Variants in IL1RAPL1 observed in about 807,000 individuals in gnomAD.
IL1RAPL1 encodes interleukin 1 receptor accessory protein like 1.
A neutral mutation model predicts 48.4 loss-of-function variants in IL1RAPL1; 3 were observed. That is an observed-to-expected ratio of 0.06 (90% CI 0.03 to 0.16). The LOEUF is 0.16. Ranked by LOEUF, IL1RAPL1 falls within the 10% of genes least tolerant of loss-of-function variation. The probability of loss-of-function intolerance (pLI) is 1.00; values close to 1 mark genes in which losing one functional copy is unlikely to be tolerated. For synonymous variants in IL1RAPL1, 185 were observed against 187.7 expected (o/e 0.99, Z 0.12); for missense variants, 349 against 530.6 (o/e 0.66, Z 3.36).
At chrX:29,492,853 A>G (rs768023695) in intron 5 of IL1RAPL1, among the ~76,000 whole-genome samples, 3 of 111,813 alleles carry the variant, frequency 2.7e-5, no homozygotes, top group Admixed American at 9.5e-5. Context: ...TAGCATGTCT[A>G]GTGCAGTTGT....
intron 2 of IL1RAPL1, among the ~76,000 whole-genome samples, chrX:28,974,635 C>A (rs1017270526): frequency 9.0e-6 from 1 of 111,683 alleles, no homozygotes; most frequent in Non-Finnish European, 1.9e-5. Context: ...ATCCTTAGAG[C>A]AATCCCTGTG....
At chrX:28,836,991 AAG>A (rs1210234540) in intron 2 of IL1RAPL1, among the ~76,000 whole-genome samples, 1 of 110,576 alleles carries the variant, frequency 9.0e-6, no homozygotes, top group African/African-American at 3.3e-5. Flanking sequence ...GAGACCAAGA[AAG>A]AGGGAGCCGA....
At chrX:28,733,582 T>C (rs886101219) in intron 1 of IL1RAPL1, among the ~76,000 whole-genome samples, 2 of 111,688 alleles carry the variant, frequency 1.8e-5, no homozygotes, top group African/African-American at 6.5e-5. Flanking sequence ...CTGTCTTCAC[T>C]TGTCTTTCAG....
chrX:28,762,540 G>A (rs1181895821), intron 1 of IL1RAPL1, among the ~76,000 whole-genome samples: 1 of 110,771 alleles, frequency 9.0e-6, no homozygotes, highest in Non-Finnish European at 1.9e-5. Flanking sequence ...GTCTCTTTCA[G>A]ACATATCCAC....
At chrX:29,023,896 C>T (rs761857255) in intron 2 of IL1RAPL1, among the ~76,000 whole-genome samples, 175 of 111,504 alleles carry the variant, frequency 1.6e-3, no homozygotes, top group Non-Finnish European at 2.4e-3. Flanking sequence ...GGCAATATAC[C>T]TTGTTTATCT....
intron 6 of IL1RAPL1, among the ~76,000 whole-genome samples, chrX:29,758,332 A>G (rs946205752): frequency 6.3e-5 from 7 of 111,660 alleles, no homozygotes; most frequent in Non-Finnish European, 9.4e-5. Flanking sequence ...AGACGGGGAA[A>G]GAAAATAGAA....
At chrX:29,503,105 A>C (rs1284206144) in intron 5 of IL1RAPL1, among the ~76,000 whole-genome samples, 1 of 111,468 alleles carries the variant, frequency 9.0e-6, no homozygotes, top group Non-Finnish European at 1.9e-5. Context: ...ATAGTCTCTA[A>C]TGATTCTTTG....
intron 2 of IL1RAPL1, among the ~76,000 whole-genome samples, chrX:28,875,804 C>G (rs752387373): frequency 4.5e-5 from 5 of 111,866 alleles, no homozygotes; most frequent in Non-Finnish European, 9.4e-5. Context: ...GCCTTGTAAC[C>G]TTACATGTTG....
intron 6 of IL1RAPL1, among the ~76,000 whole-genome samples, chrX:29,797,234 G>GT (rs1929762911): frequency 8.9e-6 from 1 of 112,302 alleles, no homozygotes; most frequent in Non-Finnish European, 1.9e-5. Context: ...CTTGGCACAT[G>GT]GCAGGAGCCC....
chrX:29,720,424 T>TA (rs200276347), intron 6 of IL1RAPL1, among the ~76,000 whole-genome samples: 6,635 of 110,804 alleles, frequency 0.06, 337 homozygotes, highest in East Asian at 0.28. Flanking sequence ...TATGCAGCCA[T>TA]AAAAAAGGAT....
intron 1 of IL1RAPL1, among the ~76,000 whole-genome samples, chrX:28,779,487 TCTGA>T (rs1936393516): frequency 9.3e-6 from 1 of 107,670 alleles, no homozygotes; most frequent in Admixed American, 1.0e-4. Flanking sequence ...GATACTAAGC[TCTGA>T]CTAGAATACG....
At chrX:28,596,593 C>A (rs1486973221) in intron 1 of IL1RAPL1, among the ~76,000 whole-genome samples, 3 of 110,875 alleles carry the variant, frequency 2.7e-5, no homozygotes, top group Non-Finnish European at 3.8e-5. Flanking sequence ...GTTCCAGGAC[C>A]CCTTGTGGAC....
intron 2 of IL1RAPL1, among the ~76,000 whole-genome samples, chrX:28,792,649 G>A (rs779369563): frequency 9.8e-6 from 1 of 101,803 alleles, no homozygotes; most frequent in Non-Finnish European, 2.0e-5. Context: ...TTAGCCGGGC[G>A]TGGTGGCGGG....
At chrX:29,121,600 C>G (rs1012488424) in intron 2 of IL1RAPL1, among the ~76,000 whole-genome samples, 1 of 111,689 alleles carries the variant, frequency 9.0e-6, no homozygotes, top group African/African-American at 3.3e-5. Context: ...ACAGCAGCAG[C>G]AACAATAACA....
chrX:29,128,483 C>CT (rs1354776751), intron 2 of IL1RAPL1, among the ~76,000 whole-genome samples: 1 of 111,749 alleles, frequency 8.9e-6, no homozygotes, highest in Non-Finnish European at 1.9e-5. Context: ...CAAGCACCTT[C>CT]TGTCTCTTTG....
rs141313644 is a variant in IL1RAPL1 at position 29,816,135 on chromosome X, A to T, written c.779-101329A>T. Among the ~76,000 whole-genome samples, 487 of 111,502 alleles carry T rather than the reference A, an allele frequency of 4.4e-3. 2 individuals are homozygous for T. The highest frequency in any genetic ancestry group is 0.015 in the African/African-American group (460 of 30,770). The stretch of plus-strand genomic sequence containing the variant: ...ATACAAAAGATCAACAAAATGAAAG[A>T]TGATTGTCTGAACGGATAAACAAGA... On this transcript the variant is annotated intron_variant, in intron 6 of 10. Transcript: ENST00000378993.
intron 6 of IL1RAPL1, among the ~76,000 whole-genome samples, chrX:29,846,973 A>G (rs969701946): frequency 9.0e-6 from 1 of 110,839 alleles, no homozygotes; most frequent in Admixed American, 9.7e-5. Flanking sequence ...CTCACATGCA[A>G]ATTAAAATGT....
At chrX:29,140,826 A>G (rs1218655503) in intron 2 of IL1RAPL1, among the ~76,000 whole-genome samples, 1 of 111,075 alleles carries the variant, frequency 9.0e-6, no homozygotes. Flanking sequence ...TTATAAGGGC[A>G]CTAATTCCAT....
At chrX:28,924,667 G>T (rs1923695548) in intron 2 of IL1RAPL1, among the ~76,000 whole-genome samples, 1 of 111,746 alleles carries the variant, frequency 8.9e-6, no homozygotes, top group South Asian at 3.7e-4. Context: ...TCCTGGAAAA[G>T]AAAAGTGATC....
Sources: gnomAD v4.1 joint callset for allele counts (sites outside exome capture counted in the v4.1 genomes callset) on GRCh38, gnomAD v4.1.1 for gene constraint, MANE v1.5 for transcripts, NCBI Gene and HGNC (gene_info 2026-07-23, HGNC 2026-07-21) for gene names.